The following UPF2 variants were observed in gnomAD, a reference collection of about 807,000 sequenced individuals.
UPF2 encodes the protein UPF2 regulator of nonsense mediated mRNA decay, also known as regulator of nonsense transcripts 2.
In UPF2, 17 loss-of-function variants were observed where a neutral mutation model predicts 141.4. The observed-to-expected ratio is 0.12, with a 90% confidence interval of 0.08 to 0.18. The LOEUF (loss-of-function observed/expected upper bound fraction) is 0.18, where lower values mean the gene tolerates loss of function less well. Ranked by LOEUF, UPF2 falls within the 10% of genes least tolerant of loss-of-function variation. The pLI is 1.00. For synonymous variants in UPF2, 540 were observed against 498.0 expected (o/e 1.08, Z -1.12); for missense variants, 1,152 against 1,515.9 (o/e 0.76, Z 3.99).
At position 12,038,384 on chromosome 10, in the gene UPF2, A is replaced by T. The variant is rs941524129; in HGVS notation, c.-18-2943T>A. Among the ~76,000 whole-genome samples, 63 of 143,688 alleles carry T rather than the reference A, an allele frequency of 4.4e-4. 1 individual carries two copies. Among genetic ancestry groups the T allele is most frequent in the African/African-American group, 1.1e-3 (45 of 39,592 alleles). 94.3% of individuals were successfully genotyped at this position (143,688 alleles called of 152,430 possible). On this transcript the variant is annotated intron_variant, in intron 1 of 21. Coordinates refer to ENST00000357604, the MANE Select transcript of UPF2 (RefSeq NM_015542.4). The stretch of plus-strand genomic sequence containing the variant: ...GACAGAGTGAGACTCCATCTCACAC[A>T]CACACACACACACACACACACACAC...
At position 11,948,506 on chromosome 10, in the gene UPF2, G is replaced by A. The variant is rs369026820; in HGVS notation, c.3037C>T (p.Leu1013=). The change falls in exon 16 of 22, where the codon CTA becomes TTA. Residue 1013 remains leucine (L), a splice_region_variant and synonymous_variant. Coordinates refer to ENST00000357604, the MANE Select transcript of UPF2 (RefSeq NM_015542.4). ...TCTTTTGAGTCTTTGTCATTTACTA[G>A]GCCTTGAAATGAGAAGGTGGAAATG... ...LEREFLIKLG[L]VNDKDSKDSM... is the part of the protein sequence containing the mutation. The A allele has an allele frequency of 1.2e-6, 2 of 1,610,850 alleles. No homozygotes were observed. Among genetic ancestry groups the A allele is most frequent in the Admixed American group, 1.7e-5 (1 of 59,790 alleles).
At chr10:12,037,455 G>A (rs1834652492) in intron 1 of UPF2, among the ~76,000 whole-genome samples, 1 of 149,668 alleles carries the variant, frequency 6.7e-6, no homozygotes, top group Middle Eastern at 3.4e-3. Context: ...GAGTGCAGTG[G>A]TGTGATCTCG....
chr10:11,923,752 T>C (rs61846678), intron 21 of UPF2, among the ~76,000 whole-genome samples: 2,832 of 151,462 alleles, frequency 0.019, 41 homozygotes, highest in Non-Finnish European at 0.032. Context: ...GGCACAAGAA[T>C]TGCTTGAACT....
In UPF2 at chr10:11,935,159, G is replaced by C. The variant is rs1379136111; in HGVS notation, c.3546+1386C>G. 6.6e-6 allele frequency among the ~76,000 whole-genome samples: 1 copy of C among 152,070 alleles called. No individual in the cohort carries two copies. Among genetic ancestry groups the C allele is most frequent in the Admixed American group, 6.6e-5 (1 of 15,260 alleles). Reference sequence around the variant, plus strand: ...CCCTGATCATCCTACCTAAGAGGCAGCCTCCCTCTCCTGGCATCTCACCAT... The same window carrying C: ...CCCTGATCATCCTACCTAAGAGGCACCCTCCCTCTCCTGGCATCTCACCAT... On this transcript the variant is annotated intron_variant, in intron 19 of 21. Coordinates refer to ENST00000357604, the MANE Select transcript of UPF2 (RefSeq NM_015542.4). The surrounding 1 kb of genome is among the most constrained non-coding windows in gnomAD (Gnocchi z 4.9).
At chr10:11,995,798 T>C (rs966579646) in intron 8 of UPF2, among the ~76,000 whole-genome samples, 1 of 151,954 alleles carries the variant, frequency 6.6e-6, no homozygotes, top group Non-Finnish European at 1.5e-5. Flanking sequence ...AAAGAGGTTT[T>C]ACCAAGAGTT....
chr10:11,986,255 C>G (rs1168108989), intron 8 of UPF2, among the ~76,000 whole-genome samples: 1 of 152,058 alleles, frequency 6.6e-6, no homozygotes, highest in Non-Finnish European at 1.5e-5. Context: ...CAACAATGAA[C>G]GATGAATCAC....
chr10:11,923,826 A>G (rs1832678001), intron 21 of UPF2, among the ~76,000 whole-genome samples: 1 of 152,164 alleles, frequency 6.6e-6, no homozygotes, highest in Admixed American at 6.5e-5. Flanking sequence ...GCAACAGAAC[A>G]AGACTCCATC....
At chr10:12,026,814 G>A (rs753825806) in intron 3 of UPF2, 42 of 370,200 alleles carry the variant, frequency 1.1e-4, no homozygotes, top group Non-Finnish European at 2.0e-4. Flanking sequence ...CACCATGCCC[G>A]GCTAATTTTT....
intron 9 of UPF2, among the ~76,000 whole-genome samples, chr10:11,975,344 G>A (rs1308402645): frequency 6.6e-6 from 1 of 152,130 alleles, no homozygotes; most frequent in African/African-American, 2.4e-5. Context: ...AAATTAGAAC[G>A]GAAAAGAATT....
intron 4 of UPF2, among the ~76,000 whole-genome samples, chr10:12,007,327 G>A (rs1481679248): frequency 1.3e-5 from 2 of 152,186 alleles, no homozygotes; most frequent in East Asian, 3.8e-4. Context: ...CTTGGAGAAT[G>A]TAATGCATCT....
At chr10:11,961,344 G>A (rs1330049246) in intron 11 of UPF2, among the ~76,000 whole-genome samples, 2 of 151,954 alleles carry the variant, frequency 1.3e-5, no homozygotes, top group African/African-American at 4.8e-5. Flanking sequence ...AGTGGGTTAG[G>A]GAAGGTTTTT....
At chr10:11,927,682 G>A (rs1832729842) in intron 21 of UPF2, among the ~76,000 whole-genome samples, 4 of 152,060 alleles carry the variant, frequency 2.6e-5, no homozygotes, top group Admixed American at 2.6e-4. Context: ...CTAATTAGAT[G>A]GGTTTACAGG....
chr10:11,958,652 T>G (rs1833192687), intron 12 of UPF2, among the ~76,000 whole-genome samples: 1 of 152,220 alleles, frequency 6.6e-6, no homozygotes, highest in Non-Finnish European at 1.5e-5. Flanking sequence ...AAGCAAAGTT[T>G]CTAACATGGT....
At chr10:11,972,984 C>G (rs1246631650) in intron 9 of UPF2, among the ~76,000 whole-genome samples, 3 of 152,186 alleles carry the variant, frequency 2.0e-5, no homozygotes, top group Non-Finnish European at 2.9e-5. Flanking sequence ...GGTTGAACTA[C>G]TTTACAGTCC....
At chr10:11,943,989 G>GT (rs1175397046) in intron 16 of UPF2, among the ~76,000 whole-genome samples, 1 of 141,908 alleles carries the variant, frequency 7.0e-6, no homozygotes, top group African/African-American at 2.7e-5. Flanking sequence ...TTCCTTAAGA[G>GT]TAAAAAAAAC....
At position 11,921,121 on chromosome 10, in the gene UPF2, C is replaced by T. The variant is rs756077665; in HGVS notation, c.*177G>A. On this transcript the variant is annotated 3_prime_UTR_variant, in exon 22 of 22. Transcript: ENST00000357604. This position sits in a 1 kb window ranked among gnomAD's most constrained non-coding sequence, Gnocchi z 5.9. ...CTTGTCTGGAAGCGTCGGCTTGTTC[C>T]GGTGTTGGCAGAGGCTGGTGTTTCT... 2.1e-5 allele frequency: 18 copies of T among 858,102 alleles called. No homozygotes were observed. The highest frequency in any genetic ancestry group is 2.7e-5 in the South Asian group (2 of 75,336). The allele number at this position is 858,102 out of a possible 1,614,324, so 53.2% of individuals were successfully genotyped here.
In UPF2 at chr10:11,942,732, T is replaced by C. The variant is rs773611789; in HGVS notation, c.3311A>G (p.His1104Arg). Residue 1104 changes from histidine to arginine, a missense_variant, in exon 18 of 22, where the codon CAT becomes CGT. Transcript: ENST00000357604. ...GTCCTCATCTTCTACACAAGGTACA[T>C]GCTTAAGTCCACCGCCTTTAATCAT... ...EVMIKGGGLK[H>R]VPCVEDEDFI... 1.9e-6 allele frequency: 3 copies of C among 1,614,040 alleles called. No individual in the cohort carries two copies. The Admixed American group carries it at 5.0e-5, about 27-fold the overall frequency.
At position 11,953,905 on chromosome 10, in the gene UPF2, T is replaced by C. The variant is rs1299946674; in HGVS notation, c.2850+1327A>G. On this transcript the variant is annotated intron_variant, in intron 14 of 21. Coordinates refer to ENST00000357604, the MANE Select transcript of UPF2 (RefSeq NM_015542.4). This position sits in a 1 kb window ranked among gnomAD's most constrained non-coding sequence, Gnocchi z 5.0. ...AACTTAACACACGCCACCATGTGGA[T>C]GTATTTTTGATACTTCAAGTTACAT... 2.0e-5 allele frequency among the ~76,000 whole-genome samples: 3 copies of C among 152,230 alleles called. No homozygotes were observed. Among genetic ancestry groups the C allele is most frequent in the Non-Finnish European group, 4.4e-5 (3 of 68,038 alleles).
At chr10:12,011,853 G>C (rs533976891) in intron 4 of UPF2, among the ~76,000 whole-genome samples, 3 of 151,098 alleles carry the variant, frequency 2.0e-5, no homozygotes, top group Non-Finnish European at 4.4e-5. Flanking sequence ...GCTGAGGCAG[G>C]AGAATTGCTT....
Sources: allele counts gnomAD v4.1 joint callset (sites outside exome capture counted in the v4.1 genomes callset), GRCh38; gene constraint gnomAD v4.1.1; non-coding constraint Gnocchi (gnomAD v3.1); transcripts MANE v1.5; gene names NCBI Gene and HGNC (gene_info 2026-07-23, HGNC 2026-07-21).